Variants in C8orf74 observed in about 807,000 individuals in gnomAD.
C8orf74 encodes uncharacterized protein C8orf74.
C8orf74 carries 29 observed loss-of-function variants against 22.2 expected under a neutral mutation model. The observed-to-expected ratio is 1.31, with a 90% CI of 0.97 to 1.78. C8orf74 has a LOEUF of 1.78. Among genes scored for constraint, C8orf74 ranks in the 40% most tolerant of loss-of-function variants. The pLI, the probability that C8orf74 is intolerant of heterozygous loss-of-function variation, is 0.00. For missense variants in C8orf74, 515 were observed against 369.9 expected, an observed-to-expected ratio of 1.39 and a Z score of -3.22; for synonymous variants, 255 against 163.1, an observed-to-expected ratio of 1.56 and a Z score of -4.30.
At chr8:10,691,263 G>T (rs779360033) in intron 2 of C8orf74, 3 of 242,650 alleles carry the variant, frequency 1.2e-5, no homozygotes, top group Admixed American at 8.7e-5. Context: ...GCCACAGTGG[G>T]GCATCGGCCA....
intron 2 of C8orf74, among the ~76,000 whole-genome samples, chr8:10,697,243 G>A (rs938161982): frequency 2.0e-5 from 3 of 151,996 alleles, no homozygotes; most frequent in African/African-American, 7.3e-5. Flanking sequence ...GTTCAGCCTG[G>A]GCAAAACAGT....
At chr8:10,682,081 G>A (rs1286925236) in intron 2 of C8orf74, among the ~76,000 whole-genome samples, 2 of 152,148 alleles carry the variant, frequency 1.3e-5, no homozygotes, top group Non-Finnish European at 2.9e-5. Context: ...CTCACATCGG[G>A]GAGCCTCCAG....
At chr8:10,673,682 A>T (rs529188431) in intron 1 of C8orf74, 1 of 154,052 alleles carries the variant, frequency 6.5e-6, no homozygotes, top group Non-Finnish European at 1.5e-5. Context: ...GAGGAAAGAA[A>T]GTCCTAGAAG....
At chr8:10,699,729 A>T (rs1238693543) in intron 3 of C8orf74, among the ~76,000 whole-genome samples, 1 of 152,194 alleles carries the variant, frequency 6.6e-6, no homozygotes, top group African/African-American at 2.4e-5. Context: ...GTCCCCTCCC[A>T]TGAAGCTACC....
At chr8:10,698,434 G>C (rs1356713171) in intron 3 of C8orf74, among the ~76,000 whole-genome samples, 3 of 152,278 alleles carry the variant, frequency 2.0e-5, no homozygotes, top group South Asian at 4.2e-4. Flanking sequence ...GGAGGAGGCA[G>C]GGACATGGGG....
chr8:10,688,209 A>G (rs1037834833), intron 2 of C8orf74: 5 of 149,706 alleles, frequency 3.3e-5, no homozygotes, highest in Non-Finnish European at 7.4e-5. Flanking sequence ...CACCTCCAGA[A>G]AAAAAAAAAA....
At chr8:10,686,931 C>A in intron 2 of C8orf74, 1 of 356,432 alleles carries the variant, frequency 2.8e-6, no homozygotes, top group Non-Finnish European at 5.6e-6. Context: ...GAAAGAGCCT[C>A]CACTACTCTT....
At chr8:10,684,806 G>C (rs1799226573) in intron 2 of C8orf74, among the ~76,000 whole-genome samples, 1 of 152,204 alleles carries the variant, frequency 6.6e-6, no homozygotes, top group African/African-American at 2.4e-5. Flanking sequence ...GAAGCACTTG[G>C]TGGCTTCTGT....
intron 3 of C8orf74, 71 bp from the exon 4 acceptor site, chr8:10,700,164 G>C (rs781272422): frequency 7.1e-5 from 69 of 974,896 alleles, no homozygotes; most frequent in Non-Finnish European, 1.0e-4. Context: ...ACCTGCAACA[G>C]GGGCTGAGTT....
intron 2 of C8orf74, among the ~76,000 whole-genome samples, chr8:10,695,449 C>G (rs117643359): frequency 5.9e-5 from 9 of 152,180 alleles, no homozygotes; most frequent in Non-Finnish European, 1.0e-4. Context: ...CTTCCCTCCC[C>G]CTGGAGGCTG....
intron 2 of C8orf74, among the ~76,000 whole-genome samples, chr8:10,697,363 A>G (rs1162368836): frequency 6.6e-6 from 1 of 151,940 alleles, no homozygotes; most frequent in African/African-American, 2.4e-5. Flanking sequence ...TGAGCCTGGA[A>G]GTTGGCGGCT....
At chr8:10,689,669 T>C (rs77011618) in intron 2 of C8orf74, 1 of 152,228 alleles carries the variant, frequency 6.6e-6, no homozygotes, top group African/African-American at 2.4e-5. Context: ...AGAAGCTTAC[T>C]GATAATATAA....
chr8:10,690,697 G>A (rs1403579935), intron 2 of C8orf74, among the ~76,000 whole-genome samples: 3 of 152,050 alleles, frequency 2.0e-5, no homozygotes, highest in South Asian at 2.1e-4. Context: ...CCCCCGGCTC[G>A]CCCAGCCCAG....
chr8:10,687,665 T>C (rs1001523580), intron 2 of C8orf74, among the ~76,000 whole-genome samples: 7 of 151,650 alleles, frequency 4.6e-5, no homozygotes, highest in African/African-American at 1.7e-4. Flanking sequence ...AAAAACTGCT[T>C]CCAGTGTGAA....
chr8:10,699,353 T>A (rs1799603281), intron 3 of C8orf74, among the ~76,000 whole-genome samples: 1 of 152,232 alleles, frequency 6.6e-6, no homozygotes, highest in African/African-American at 2.4e-5. Flanking sequence ...CGCATTCTCT[T>A]ATAGCACAAC....
chr8:10,680,849 C>T (rs1037782017), intron 2 of C8orf74, among the ~76,000 whole-genome samples: 1 of 152,212 alleles, frequency 6.6e-6, no homozygotes, highest in African/African-American at 2.4e-5. Context: ...TTCCACCTTG[C>T]ATCCCACCCT....
intron 2 of C8orf74, among the ~76,000 whole-genome samples, chr8:10,683,245 A>G (rs1799189863): frequency 6.6e-6 from 1 of 152,202 alleles, no homozygotes; most frequent in Non-Finnish European, 1.5e-5. Context: ...TCCTGGCCCC[A>G]GCAGGAAGGC....
intron 2 of C8orf74, among the ~76,000 whole-genome samples, chr8:10,685,209 C>G (rs1799236809): frequency 1.3e-5 from 2 of 152,168 alleles, no homozygotes; most frequent in Non-Finnish European, 2.9e-5. Context: ...ACTTAAAAGA[C>G]ATAGTGGATA....
chr8:10,692,837 G>C (rs1426743806), intron 2 of C8orf74: 1 of 152,234 alleles, frequency 6.6e-6, no homozygotes, highest in Non-Finnish European at 1.5e-5. Context: ...CCTCCTGGGA[G>C]CTGGGCACTG....
Sources: gnomAD v4.1 joint callset for allele counts (sites outside exome capture counted in the v4.1 genomes callset) on GRCh38, gnomAD v4.1.1 for gene constraint, MANE v1.5 for transcripts, NCBI Gene and HGNC (gene_info 2026-07-23, HGNC 2026-07-21) for gene names.